Variants in EPB41L1 observed in about 807,000 individuals in gnomAD.
The protein encoded by EPB41L1 is erythrocyte membrane protein band 4.1 like 1.
A neutral mutation model predicts 97.8 loss-of-function variants in EPB41L1; 29 were observed. That is an observed-to-expected ratio of 0.30 (90% confidence interval 0.22 to 0.40). EPB41L1 has a LOEUF of 0.40. Ranked by LOEUF, EPB41L1 falls within the 10% of genes least tolerant of loss-of-function variation. The pLI is 1.00. For missense variants in EPB41L1, 812 were observed against 1,162.3 expected (o/e 0.70, Z 4.38); for synonymous variants, 383 against 459.2 (o/e 0.83, Z 2.12).
At chr20:36,122,426 A>C (rs2058782783) in intron 2 of EPB41L1, among the ~76,000 whole-genome samples, 1 of 152,142 alleles carries the variant, frequency 6.6e-6, no homozygotes, top group African/African-American at 2.4e-5. Flanking sequence ...CTAGGCTAGC[A>C]GGCCCTGGAA....
chr20:36,102,436 A>G (rs1243968843), intron 1 of EPB41L1, among the ~76,000 whole-genome samples: 1 of 152,086 alleles, frequency 6.6e-6, no homozygotes, highest in East Asian at 1.9e-4. Context: ...CTGGGTGGAG[A>G]GGGCTGGTCT....
chr20:36,229,235 TA>T, intron 21 of EPB41L1, 96 bp from the exon 22 acceptor site: 1 of 1,047,088 alleles, frequency 9.6e-7, no homozygotes, highest in Non-Finnish European at 1.5e-6. Context: ...CCATGTATTT[TA>T]AAACAAGTGA....
chr20:36,117,132 TTCC>T (rs2058609991), intron 2 of EPB41L1, among the ~76,000 whole-genome samples: 2 of 152,090 alleles, frequency 1.3e-5, no homozygotes. Context: ...TGCCCACCAA[TTCC>T]TCCTCCTGTG....
chr20:36,171,326 A>G (rs901921356), intron 1 of EPB41L1, among the ~76,000 whole-genome samples: 1 of 152,050 alleles, frequency 6.6e-6, no homozygotes, highest in African/African-American at 2.4e-5. Context: ...ATTGCTTTGT[A>G]TCCTGGCCTG....
At chr20:36,219,871 C>T in intron 19 of EPB41L1, 27 bp downstream of exon 19, 1 of 1,599,520 alleles carries the variant, frequency 6.3e-7, no homozygotes, top group Admixed American at 1.7e-5. Context: ...CGCCCCATGC[C>T]CCCAGCCGAG....
intron 9 of EPB41L1, among the ~76,000 whole-genome samples, chr20:36,189,231 C>T (rs896914814): frequency 1.1e-4 from 16 of 152,162 alleles, no homozygotes; most frequent in Admixed American, 3.9e-4. Context: ...CCTTCTCCCT[C>T]GCCTCTGGTG....
At chr20:36,217,444 G>A (rs540412500) in intron 17 of EPB41L1, among the ~76,000 whole-genome samples, 21 of 152,278 alleles carry the variant, frequency 1.4e-4, no homozygotes, top group African/African-American at 4.8e-4. Context: ...GGCAGGTGAC[G>A]GGACTGGCCA....
intron 1 of EPB41L1, among the ~76,000 whole-genome samples, chr20:36,158,638 A>G (rs2060410003): frequency 6.6e-6 from 1 of 152,174 alleles, no homozygotes; most frequent in South Asian, 2.1e-4. Flanking sequence ...CACCAGACGT[A>G]GGCTATAGTC....
At chr20:36,149,633 A>G (rs1231433055) in intron 2 of EPB41L1, among the ~76,000 whole-genome samples, 1 of 152,234 alleles carries the variant, frequency 6.6e-6, no homozygotes, top group Non-Finnish European at 1.5e-5. Context: ...TCAGTGAAAC[A>G]GCCTGCCAGG....
At chr20:36,153,635 G>A (rs1159386760), upstream of EPB41L1, among the ~76,000 whole-genome samples, 4 of 152,072 alleles carry the variant, frequency 2.6e-5, no homozygotes, top group Non-Finnish European at 4.4e-5. Context: ...CTATGCCTTC[G>A]CCATGAACTA....
At chr20:36,218,645 C>T (rs2063582308) in intron 17 of EPB41L1, among the ~76,000 whole-genome samples, 1 of 152,204 alleles carries the variant, frequency 6.6e-6, no homozygotes. Flanking sequence ...TAACGCCAGA[C>T]AGTCTGTAAA....
intron 1 of EPB41L1, among the ~76,000 whole-genome samples, chr20:36,103,803 C>T (rs1317512675): frequency 1.3e-5 from 2 of 150,798 alleles, no homozygotes; most frequent in African/African-American, 2.4e-5. Flanking sequence ...TCTGGGTTCA[C>T]GCCATTCTCC....
At position 36,206,322 on chromosome 20, in the gene EPB41L1, T is replaced by C; in HGVS notation, c.1669-3166T>C. 7.8e-7 allele frequency: 1 copy of C among 1,289,896 alleles called. No individual in the cohort carries two copies. The highest frequency in any genetic ancestry group is 1.0e-6 in the Non-Finnish European group (1 of 988,898). 79.9% of individuals were successfully genotyped at this position (1,289,896 alleles called of 1,614,324 possible). On this transcript the variant is annotated intron_variant, in intron 14 of 21. Coordinates refer to ENST00000338074, the MANE Select transcript of EPB41L1 (RefSeq NM_012156.2). The surrounding 1 kb of genome is among the most constrained non-coding windows in gnomAD (Gnocchi z 5.5). ...AGCCTCACACTTGTGGGAGACCCAC[T>C]GCTCCAGGGACCAGGCCAGCAGAGG...
At position 36,210,341 on chromosome 20, in the gene EPB41L1, G is replaced by A. The variant is rs1436107072; in HGVS notation, c.2079+443G>A. ...AGGGGAAGCAGTTTAAATCCATCTGGCCCTGGGGTCTCAGGGTGGTAATGG... is the reference window on the plus strand; with the variant it reads ...AGGGGAAGCAGTTTAAATCCATCTGACCCTGGGGTCTCAGGGTGGTAATGG... On this transcript the variant is annotated intron_variant, in intron 15 of 21. Coordinates refer to ENST00000338074, the MANE Select transcript of EPB41L1 (RefSeq NM_012156.2). Among the ~76,000 whole-genome samples the A allele has an allele frequency of 3.3e-5, 5 of 152,154 alleles. No homozygotes were observed. The East Asian group carries it at 9.7e-4, about 29-fold the overall frequency.
chr20:36,107,912 A>C (rs2058254583), intron 1 of EPB41L1, among the ~76,000 whole-genome samples: 1 of 152,138 alleles, frequency 6.6e-6, no homozygotes, highest in Non-Finnish European at 1.5e-5. Context: ...TTGTAAGTAT[A>C]AAATACACAC....
chr20:36,155,077 C>T (rs754171471), intron 1 of EPB41L1, 181 bp downstream of exon 1: 2 of 582,698 alleles, frequency 3.4e-6, no homozygotes, highest in Non-Finnish European at 5.8e-6. Flanking sequence ...CTGCAGCCTC[C>T]TCCAAGGCCT....
rs2063670324 is a variant in EPB41L1 at position 36,219,816 on chromosome 20, C to T, written c.2411C>T (p.Ser804Leu). Reference protein sequence around the residue: ...STYGATAETLSTSTTTHVTKT... With the variant: ...STYGATAETLLTSTTTHVTKT... The stretch of plus-strand genomic sequence containing the variant: ...TACGGCGCCACTGCGGAAACCCTCT[C>T]AACCTCCACCACCACCCATGTCACC... The change falls in exon 19 of 22, where the codon TCA becomes TTA. Residue 804 changes from serine (S) to leucine (L), a missense_variant. Physicochemically the swap from Ser to Leu is moderately radical, Grantham distance 145. Coordinates refer to ENST00000338074, the MANE Select transcript of EPB41L1 (RefSeq NM_012156.2). The T allele has an allele frequency of 6.2e-7, 1 of 1,614,242 alleles. No individual in the cohort carries two copies. The highest frequency in any genetic ancestry group is 1.3e-5 in the African/African-American group (1 of 75,070).
At chr20:36,131,514 A>G (rs2059209419) in intron 2 of EPB41L1, among the ~76,000 whole-genome samples, 1 of 152,104 alleles carries the variant, frequency 6.6e-6, no homozygotes, top group Non-Finnish European at 1.5e-5. Context: ...CGGGAGGCAG[A>G]ATAGGGCTGT....
intron 1 of EPB41L1, among the ~76,000 whole-genome samples, chr20:36,095,394 C>T (rs188830531): frequency 2.0e-5 from 3 of 152,334 alleles, no homozygotes; most frequent in South Asian, 2.1e-4. Context: ...AGGCATGAGC[C>T]GCTGCGCCCA....
Sources: gnomAD v4.1 joint callset for allele counts (sites outside exome capture counted in the v4.1 genomes callset) on GRCh38, gnomAD v4.1.1 for gene constraint, Gnocchi (gnomAD v3.1) non-coding constraint, MANE v1.5 for transcripts, NCBI Gene and HGNC (gene_info 2026-07-23, HGNC 2026-07-21) for gene names.